Variants in CNTNAP5 observed in about 807,000 individuals in gnomAD.
CNTNAP5 encodes contactin associated protein family member 5, also known as contactin-associated protein-like 5.
Under a neutral mutation model 150.2 loss-of-function variants are expected in CNTNAP5, and 72 were observed. The ratio of observed to expected loss-of-function variants is 0.48; its 90% CI spans 0.40 to 0.58. CNTNAP5 has a LOEUF of 0.58. Ranked by LOEUF, CNTNAP5 falls within the 20% of genes least tolerant of loss-of-function variation. CNTNAP5 has a pLI of 0.00. For synonymous variants in CNTNAP5, 672 were observed against 619.8 expected (o/e 1.08, Z -1.25); for missense variants, 1,636 against 1,626.2 (o/e 1.01, Z -0.10).
chr2:124,740,471 T>C (rs552882767), intron 13 of CNTNAP5, among the ~76,000 whole-genome samples: 13 of 152,218 alleles, frequency 8.5e-5, no homozygotes, highest in African/African-American at 3.1e-4. Context: ...CTGCCAATCA[T>C]TGGGGCTGGG....
intron 3 of CNTNAP5, among the ~76,000 whole-genome samples, chr2:124,276,368 T>C (rs1041332051): frequency 6.6e-6 from 1 of 152,186 alleles, no homozygotes; most frequent in East Asian, 1.9e-4. Context: ...GCTTTTAACA[T>C]AAAGGAAGTA....
intron 13 of CNTNAP5, among the ~76,000 whole-genome samples, chr2:124,660,043 AAAGGAAGGAAGGAAGG>A (rs60444454): frequency 4.6e-5 from 6 of 130,838 alleles, no homozygotes; most frequent in Non-Finnish European, 6.4e-5. Flanking sequence ...AGGAAGGAAG[AAAGGAAGGAAGGAAGG>A]AAGGAAGGAA....
intron 1 of CNTNAP5, among the ~76,000 whole-genome samples, chr2:124,086,352 T>C (rs564039563): frequency 5.3e-5 from 8 of 151,482 alleles, no homozygotes; most frequent in South Asian, 2.1e-4. Flanking sequence ...TGCAGGTGCC[T>C]GCCACCACGC....
intron 3 of CNTNAP5, among the ~76,000 whole-genome samples, chr2:124,392,707 A>T: frequency 8.2e-6 from 1 of 121,768 alleles, no homozygotes; most frequent in Admixed American, 7.7e-5. Flanking sequence ...AAAAAAAAAA[A>T]AAAGGAAAAG....
At chr2:124,255,667 C>G (rs1687295347) in intron 3 of CNTNAP5, among the ~76,000 whole-genome samples, 1 of 151,760 alleles carries the variant, frequency 6.6e-6, no homozygotes, top group South Asian at 2.1e-4. Flanking sequence ...GCACCAAATT[C>G]AGAATCATCC....
chr2:124,779,008 T>C (rs1681388440), intron 17 of CNTNAP5, among the ~76,000 whole-genome samples: 1 of 152,188 alleles, frequency 6.6e-6, no homozygotes, highest in Admixed American at 6.5e-5. Flanking sequence ...AAGGATCTGC[T>C]CTCAGGCTCA....
At chr2:124,117,044 C>T (rs548994716) in intron 1 of CNTNAP5, among the ~76,000 whole-genome samples, 2 of 152,252 alleles carry the variant, frequency 1.3e-5, no homozygotes, top group Non-Finnish European at 2.9e-5. Flanking sequence ...CTGAAACACT[C>T]TCCTATCCTC....
intron 19 of CNTNAP5, among the ~76,000 whole-genome samples, chr2:124,808,295 C>T (rs1682123314): frequency 6.6e-6 from 1 of 152,116 alleles, no homozygotes; most frequent in Admixed American, 6.5e-5. Context: ...TCTCTCCCTT[C>T]TTAAACTCCT....
At chr2:124,359,481 T>C (rs1573940159) in intron 3 of CNTNAP5, among the ~76,000 whole-genome samples, 1 of 151,940 alleles carries the variant, frequency 6.6e-6, no homozygotes, top group Non-Finnish European at 1.5e-5. Flanking sequence ...TTTGAATGCG[T>C]CACAGAGATT....
chr2:124,452,804 G>A (rs919951066), intron 6 of CNTNAP5, among the ~76,000 whole-genome samples: 1 of 152,108 alleles, frequency 6.6e-6, no homozygotes, highest in Non-Finnish European at 1.5e-5. Flanking sequence ...CTCTCAGGAA[G>A]CCACATCCCT....
chr2:124,245,342 G>A lies in CNTNAP5; in HGVS notation c.381+2949G>A, dbSNP rs188885227. ...CATCAGATTACGCTGCTGGATTAAA[G>A]AGATTATCTTGAGAGCTTTTCTTTT... is the stretch of plus-strand genomic sequence containing the variant. On this transcript the variant is annotated intron_variant, in intron 3 of 23. Transcript: ENST00000682447. Among the ~76,000 whole-genome samples, 280 of 152,218 alleles carry A rather than the reference G, an allele frequency of 1.8e-3. 2 individuals are homozygous for A. The highest frequency in any genetic ancestry group is 6.6e-3 in the African/African-American group (274 of 41,556).
chr2:124,301,409 G>T (rs1241129202), intron 3 of CNTNAP5, among the ~76,000 whole-genome samples: 2 of 152,176 alleles, frequency 1.3e-5, no homozygotes, highest in African/African-American at 4.8e-5. Context: ...GACATAAGAA[G>T]GCAATCACTA....
chr2:124,602,863 T>C (rs1697015508), intron 11 of CNTNAP5, among the ~76,000 whole-genome samples: 1 of 152,146 alleles, frequency 6.6e-6, no homozygotes, highest in Admixed American at 6.5e-5. Flanking sequence ...AGTGAACAAC[T>C]CTCTAACACA....
intron 13 of CNTNAP5, among the ~76,000 whole-genome samples, chr2:124,740,658 C>T (rs10164548): frequency 0.24 from 36,431 of 152,060 alleles, 5,198 homozygotes; most frequent in Non-Finnish European, 0.34. Context: ...TTTATTTTCA[C>T]GTGATTTATA....
At chr2:124,849,365 T>TTTTTG (rs1454470018) in intron 19 of CNTNAP5, among the ~76,000 whole-genome samples, 2 of 152,176 alleles carry the variant, frequency 1.3e-5, no homozygotes, top group African/African-American at 4.8e-5. Context: ...CCATACTATT[T>TTTTTG]TTTTGTTTTG....
intron 1 of CNTNAP5, among the ~76,000 whole-genome samples, chr2:124,080,063 A>G (rs1486658440): frequency 6.6e-6 from 1 of 152,218 alleles, no homozygotes; most frequent in Non-Finnish European, 1.5e-5. Flanking sequence ...TTGGCATGTA[A>G]TTTTTGTTTA....
At chr2:124,219,586 C>T (rs1047227892) in intron 1 of CNTNAP5, among the ~76,000 whole-genome samples, 2 of 151,862 alleles carry the variant, frequency 1.3e-5, no homozygotes, top group Non-Finnish European at 2.9e-5. Context: ...TGCTTAAGAC[C>T]TATATATGTG....
intron 3 of CNTNAP5, among the ~76,000 whole-genome samples, chr2:124,369,352 T>C (rs1690460011): frequency 6.6e-6 from 1 of 152,132 alleles, no homozygotes; most frequent in Non-Finnish European, 1.5e-5. Context: ...TATGTGGTTT[T>C]AGCTGAATCA....
intron 22 of CNTNAP5, among the ~76,000 whole-genome samples, chr2:124,906,103 T>C (rs1180028773): frequency 7.5e-5 from 8 of 107,090 alleles, no homozygotes; most frequent in Non-Finnish European, 1.6e-4. Context: ...TAAATACTGA[T>C]TAAAAAATGA....
Sources: allele counts gnomAD v4.1 joint callset (sites outside exome capture counted in the v4.1 genomes callset), GRCh38; gene constraint gnomAD v4.1.1; transcripts MANE v1.5; gene names NCBI Gene and HGNC (gene_info 2026-07-23, HGNC 2026-07-21).